The following ONECUT1 variants were observed in gnomAD, a reference collection of about 807,000 sequenced individuals.
ONECUT1 encodes hepatocyte nuclear factor 6.
A neutral mutation model predicts 25.6 loss-of-function variants in ONECUT1; 12 were observed. That is an observed-to-expected ratio of 0.47 (90% confidence interval 0.30 to 0.76). The LOEUF is 0.76. ONECUT1 is among the 30% of genes least tolerant of loss of function. The pLI, the probability that ONECUT1 is intolerant of heterozygous loss-of-function variation, is 0.07. For missense variants in ONECUT1, 620 were observed against 651.2 expected, an observed-to-expected ratio of 0.95 and a Z score of 0.52; for synonymous variants, 285 against 270.2, an observed-to-expected ratio of 1.05 and a Z score of -0.54.
At position 52,790,092 on chromosome 15, in the gene ONECUT1, C is replaced by T; in HGVS notation, c.-208G>A. 1.6e-6 allele frequency: 1 copy of T among 643,294 alleles called. No homozygotes were observed. Among genetic ancestry groups the T allele is most frequent in the Non-Finnish European group, 2.2e-6 (1 of 450,120 alleles). 39.8% of individuals were successfully genotyped at this position (643,294 alleles called of 1,614,324 possible). On this transcript the variant is annotated 5_prime_UTR_variant, in exon 1 of 2. Transcript: ENST00000305901. ...GTGTGTGTGTGTGTGTGTGTCTCGC[C>T]TTCCCTCTTACCCCCCACCTTCCCC...
chr15:52,783,853 T>C (rs1300985411), intron 1 of ONECUT1, among the ~76,000 whole-genome samples: 1 of 152,202 alleles, frequency 6.6e-6, no homozygotes, highest in Admixed American at 6.5e-5. Flanking sequence ...CTTCGGAAGA[T>C]GAGAATTTTG....
intron 1 of ONECUT1, among the ~76,000 whole-genome samples, chr15:52,769,539 G>T (rs2440326): frequency 0.79 from 119,669 of 152,084 alleles, 47,947 homozygotes; most frequent in East Asian, 1. Context: ...TGGGGATATA[G>T]CTGAAATGTC....
chr15:52,779,221 C>A (rs1327714687), intron 1 of ONECUT1, among the ~76,000 whole-genome samples: 1 of 151,884 alleles, frequency 6.6e-6, no homozygotes, highest in African/African-American at 2.4e-5. Context: ...GTAGCTGGGA[C>A]TACAGGTGCA....
At chr15:52,763,909 A>G (rs1462991213) in intron 1 of ONECUT1, among the ~76,000 whole-genome samples, 1 of 152,196 alleles carries the variant, frequency 6.6e-6, no homozygotes, top group African/African-American at 2.4e-5. Context: ...TTATTGTATT[A>G]TCAAAATTAT....
chr15:52,787,147 G>A (rs1200718423), intron 1 of ONECUT1: 1 of 152,254 alleles, frequency 6.6e-6, no homozygotes, highest in Non-Finnish European at 1.5e-5. Flanking sequence ...GGAAAACCGG[G>A]GGCCAGCGAT....
intron 1 of ONECUT1, among the ~76,000 whole-genome samples, chr15:52,766,579 G>A (rs1054288408): frequency 1.3e-5 from 2 of 152,198 alleles, no homozygotes; most frequent in African/African-American, 4.8e-5. Flanking sequence ...TGAGACAAAG[G>A]GAGTTCTGGC....
At chr15:52,785,858 C>G (rs1338119092) in intron 1 of ONECUT1, 1 of 152,264 alleles carries the variant, frequency 6.6e-6, no homozygotes, top group African/African-American at 2.4e-5. Flanking sequence ...TATTTCGTGA[C>G]CGGAAGGCGC....
At chr15:52,778,131 GT>G (rs1411366250) in intron 1 of ONECUT1, among the ~76,000 whole-genome samples, 1 of 152,130 alleles carries the variant, frequency 6.6e-6, no homozygotes, top group Non-Finnish European at 1.5e-5. Flanking sequence ...TATCATATAT[GT>G]AAGATATGAA....
chr15:52,757,070 T>G lies in ONECUT1; in HGVS notation c.*485A>C, dbSNP rs1467779464. 1 of 155,202 alleles carries G rather than the reference T, an allele frequency of 6.4e-6. No individual in the cohort carries two copies. The highest frequency in any genetic ancestry group is 1.4e-5 in the Non-Finnish European group (1 of 69,850). The allele number at this position is 155,202 out of a possible 1,614,324, so 9.6% of individuals were successfully genotyped here. ...AAATCACACTCCTAATCCAATGAAC[T>G]CAGACAACCCCATACCATGTTGGTT... On this transcript the variant is annotated 3_prime_UTR_variant, in exon 2 of 2. Transcript: ENST00000305901.
rs775772004 is a variant in ONECUT1, at chr15:52,789,419, G to C, written c.466C>G (p.Arg156Gly). Reference sequence around the variant, plus strand: ...AGGTTATTCATGGAGGCCAGCCCGCGCTCATCCCGCATGAGCGTGAAGCTA... The same window carrying C: ...AGGTTATTCATGGAGGCCAGCCCGCCCTCATCCCGCATGAGCGTGAAGCTA... ...SGSFTLMRDE[R>G]GLASMNNLYT... The change falls in exon 1 of 2, where the codon CGC becomes GGC. Residue 156 changes from arginine (R) to glycine (G), a missense_variant. This residue lies in a region of ONECUT1 where 440 missense variants were observed against 404.9 expected (regional missense o/e 1.09). Coordinates refer to ENST00000305901, the MANE Select transcript of ONECUT1 (RefSeq NM_004498.4). This position sits in a 1 kb window ranked among gnomAD's most constrained non-coding sequence, Gnocchi z 4.1. 1 of 1,613,772 alleles carries C rather than the reference G, an allele frequency of 6.2e-7. No homozygotes were observed. Among genetic ancestry groups the C allele is most frequent in the Non-Finnish European group, 8.5e-7 (1 of 1,179,978 alleles).
chr15:52,760,630 A>G (rs1224529407), intron 1 of ONECUT1, among the ~76,000 whole-genome samples: 1 of 152,142 alleles, frequency 6.6e-6, no homozygotes, highest in African/African-American at 2.4e-5. Flanking sequence ...TTCCCTGCAG[A>G]GGGAGCAGCA....
rs1472195777 is a variant in ONECUT1 at position 52,788,447 on chromosome 15, C to T, written c.1105+333G>A. 2 of 296,050 alleles carry T rather than the reference C, an allele frequency of 6.8e-6. No individual in the cohort carries two copies. Among genetic ancestry groups the T allele is most frequent in the East Asian group, 5.6e-5 (1 of 17,928 alleles). 18.3% of individuals were successfully genotyped at this position (296,050 alleles called of 1,614,324 possible). A position where few individuals can be genotyped will look rare whatever the true frequency, so the allele number is the denominator to read the frequency against. On this transcript the variant is annotated intron_variant, in intron 1 of 1. Transcript: ENST00000305901. The surrounding 1 kb of genome is among the most constrained non-coding windows in gnomAD (Gnocchi z 4.3). The stretch of plus-strand genomic sequence containing the variant: ...CCCGGATCGCTGAACTGAGAGGTGG[C>T]GCAGAGTGTCTCACCAGGTGCGGGG...
At position 52,756,210 on chromosome 15, in the gene ONECUT1, T is replaced by G. The variant is rs767090462; in HGVS notation, c.*1345A>C. ...TTTTGTTGACGTCCAAGTCATAAAATTTCTGGGATTGGCAATAAGTTAATT... is the reference window on the plus strand; with the variant it reads ...TTTTGTTGACGTCCAAGTCATAAAAGTTCTGGGATTGGCAATAAGTTAATT... On this transcript the variant is annotated 3_prime_UTR_variant, in exon 2 of 2. Transcript: ENST00000305901. 6.6e-6 allele frequency among the ~76,000 whole-genome samples: 1 copy of G among 152,226 alleles called. No homozygotes were observed. The highest frequency in any genetic ancestry group is 1.5e-5 in the Non-Finnish European group (1 of 68,036).
chr15:52,777,737 C>CACACACAAAAAAAAAAAAAAA (rs57187579), intron 1 of ONECUT1, among the ~76,000 whole-genome samples: 4 of 103,450 alleles, frequency 3.9e-5, no homozygotes, highest in South Asian at 3.4e-4. Context: ...CACACACACA[C>CACACACAAAAAAAAAAAAAAA]AAAAAAACAT....
At chr15:52,780,290 G>A (rs2083832212) in intron 1 of ONECUT1, among the ~76,000 whole-genome samples, 1 of 152,200 alleles carries the variant, frequency 6.6e-6, no homozygotes, top group Non-Finnish European at 1.5e-5. Flanking sequence ...AAACAGTACT[G>A]AGGTACTTCT....
intron 1 of ONECUT1, among the ~76,000 whole-genome samples, chr15:52,782,495 T>A (rs2083847662): frequency 6.6e-6 from 1 of 152,238 alleles, no homozygotes; most frequent in Non-Finnish European, 1.5e-5. Context: ...TTCTTTTTAC[T>A]GGACTCTATG....
intron 1 of ONECUT1, among the ~76,000 whole-genome samples, chr15:52,783,934 C>T (rs187454705): frequency 5.9e-5 from 9 of 152,372 alleles, no homozygotes; most frequent in African/African-American, 2.2e-4. Flanking sequence ...CCTTCTCTTC[C>T]TCCTTCACAC....
At position 52,755,127 on chromosome 15, in the gene ONECUT1, T is replaced by C. The variant is rs2083668058; in HGVS notation, c.*2428A>G. ...ATTCTGCTATTCTTTTCTTGGGGTATTGAATTTGGTAAGATTGTGTGTAGA... is the reference window on the plus strand; with the variant it reads ...ATTCTGCTATTCTTTTCTTGGGGTACTGAATTTGGTAAGATTGTGTGTAGA... On this transcript the variant is annotated 3_prime_UTR_variant, in exon 2 of 2. Coordinates refer to ENST00000305901, the MANE Select transcript of ONECUT1 (RefSeq NM_004498.4). 6.6e-6 allele frequency among the ~76,000 whole-genome samples: 1 copy of C among 152,046 alleles called. No homozygotes were observed. The highest frequency in any genetic ancestry group is 2.1e-4 in the South Asian group (1 of 4,816).
intron 1 of ONECUT1, among the ~76,000 whole-genome samples, chr15:52,774,134 C>CACAA (rs1238001372): frequency 6.7e-6 from 1 of 149,508 alleles, no homozygotes; most frequent in Non-Finnish European, 1.5e-5. Flanking sequence ...CACACACACA[C>CACAA]ACACACACAC....
Sources: gnomAD v4.1 joint callset for allele counts (sites outside exome capture counted in the v4.1 genomes callset) on GRCh38, gnomAD v4.1.1 for gene constraint, gnomAD v4.1.1 regional missense constraint, Gnocchi (gnomAD v3.1) non-coding constraint, MANE v1.5 for transcripts, NCBI Gene and HGNC (gene_info 2026-07-23, HGNC 2026-07-21) for gene names.